The following CLDN14 variants were observed in gnomAD, a reference collection of about 807,000 sequenced individuals.
CLDN14 encodes the protein claudin 14.
Under a neutral mutation model 2.1 loss-of-function variants are expected in CLDN14, and 2 were observed. The ratio of observed to expected loss-of-function variants is 0.96; its 90% CI spans 0.39 to 3.01. The LOEUF (loss-of-function observed/expected upper bound fraction) is 3.01. Among genes scored for constraint, CLDN14 ranks in the 30% most tolerant of loss-of-function variants. CLDN14 has a pLI of 0.09. For synonymous variants in CLDN14, 136 were observed against 154.4 expected, an observed-to-expected ratio of 0.88 and a Z score of 0.88; for missense variants, 298 against 328.0, an observed-to-expected ratio of 0.91 and a Z score of 0.71.
At position 36,562,887 on chromosome 21, in the gene CLDN14, C is replaced by T. The variant is rs536950641; in HGVS notation, c.-220+13524G>A. 2.9e-4 allele frequency among the ~76,000 whole-genome samples: 44 copies of T among 152,244 alleles called. 1 individual carries two copies. The South Asian group carries it at 8.9e-3, about 31-fold the overall frequency. ...GGTAATTTGGGGTAAGTTATTCATT[C>T]TGTTCTTCATCTGGCTCCTCTGCAA... On this transcript the variant is annotated intron_variant, in intron 1 of 2. Transcript: ENST00000342108.
intron 1 of CLDN14, among the ~76,000 whole-genome samples, chr21:36,475,773 A>T (rs2086771119): frequency 6.6e-6 from 1 of 151,814 alleles, no homozygotes; most frequent in Non-Finnish European, 1.5e-5. Context: ...TTTTTGAGAC[A>T]GAGTCTTGCT....
At chr21:36,569,710 G>C (rs1363430057) in intron 1 of CLDN14, among the ~76,000 whole-genome samples, 1 of 152,188 alleles carries the variant, frequency 6.6e-6, no homozygotes, top group Non-Finnish European at 1.5e-5. Flanking sequence ...TGGTCATGAG[G>C]GTGGGAAGAT....
chr21:36,470,182 T>A (rs1343052987), intron 1 of CLDN14, among the ~76,000 whole-genome samples: 1 of 152,176 alleles, frequency 6.6e-6, no homozygotes, highest in Non-Finnish European at 1.5e-5. Context: ...TGGATTGACC[T>A]GGTCCCCCAA....
At chr21:36,509,734 T>C (rs2087168148) in intron 2 of CLDN14, among the ~76,000 whole-genome samples, 1 of 152,158 alleles carries the variant, frequency 6.6e-6, no homozygotes, top group African/African-American at 2.4e-5. Flanking sequence ...TAGCTGGGAC[T>C]ACAGGCACAC....
At chr21:36,535,216 G>C (rs140018343) in intron 1 of CLDN14, among the ~76,000 whole-genome samples, 2,471 of 152,026 alleles carry the variant, frequency 0.016, 77 homozygotes, top group African/African-American at 0.056. Context: ...ATGGCGAAAC[G>C]CTGTCTCTAC....
intron 1 of CLDN14, among the ~76,000 whole-genome samples, chr21:36,573,054 C>A (rs1288271150): frequency 6.6e-6 from 1 of 152,182 alleles, no homozygotes; most frequent in Non-Finnish European, 1.5e-5. Context: ...GTAATCCCAG[C>A]ACTTTGGAAG....
intron 1 of CLDN14, among the ~76,000 whole-genome samples, chr21:36,534,449 G>A (rs570419693): frequency 2.6e-5 from 4 of 152,256 alleles, no homozygotes; most frequent in South Asian, 4.1e-4. Context: ...ACAAGTACAG[G>A]ATGATAAAAA....
At chr21:36,500,938 A>G (rs1425178330) in intron 2 of CLDN14, among the ~76,000 whole-genome samples, 1 of 152,238 alleles carries the variant, frequency 6.6e-6, no homozygotes, top group South Asian at 2.1e-4. Context: ...ACAGAACTCT[A>G]CGCAGGGGGT....
At chr21:36,526,987 A>T (rs1025718218) in intron 1 of CLDN14, among the ~76,000 whole-genome samples, 9 of 152,182 alleles carry the variant, frequency 5.9e-5, no homozygotes, top group African/African-American at 2.2e-4. Context: ...TTTTGGCCAC[A>T]CTCAGTAGTA....
chr21:36,470,004 TA>T (rs886591065), intron 1 of CLDN14, among the ~76,000 whole-genome samples: 51 of 151,358 alleles, frequency 3.4e-4, no homozygotes, highest in African/African-American at 1.1e-3. Flanking sequence ...CATCTGAGAT[TA>T]AAAAAAATAC....
intron 1 of CLDN14, among the ~76,000 whole-genome samples, chr21:36,536,051 T>A (rs1264430180): frequency 6.6e-6 from 1 of 152,232 alleles, no homozygotes; most frequent in African/African-American, 2.4e-5. Flanking sequence ...TGTTCAGCAC[T>A]TAAGCAGACT....
intron 1 of CLDN14, among the ~76,000 whole-genome samples, chr21:36,558,554 C>T (rs1025074913): frequency 6.6e-6 from 1 of 152,062 alleles, no homozygotes; most frequent in Non-Finnish European, 1.5e-5. Flanking sequence ...TTTATAAAGA[C>T]AGGAAAGGAA....
intron 2 of CLDN14, among the ~76,000 whole-genome samples, chr21:36,494,182 C>T (rs2071049): frequency 0.54 from 82,710 of 152,070 alleles, 26,544 homozygotes; most frequent in Non-Finnish European, 0.72. Flanking sequence ...TCTCTCCCAG[C>T]GGGGGACTGT....
chr21:36,547,564 C>T (rs962340908), intron 1 of CLDN14, among the ~76,000 whole-genome samples: 4 of 152,296 alleles, frequency 2.6e-5, no homozygotes, highest in African/African-American at 7.2e-5. Flanking sequence ...CGTGGAGAGG[C>T]GGCCGCTGCT....
chr21:36,474,643 C>A (rs879536738), intron 1 of CLDN14, among the ~76,000 whole-genome samples: 7 of 152,194 alleles, frequency 4.6e-5, no homozygotes, highest in Non-Finnish European at 8.8e-5. Context: ...TAACAAAAAA[C>A]TAAACCAAAA....
Position 36,551,136 on chromosome 21 carries a change from C to G in CLDN14, c.-220+25275G>C, listed in dbSNP as rs1040246448. ...TCCCCTTGGAGCCTCCAGAAGGAAC[C>G]AGCCCTTCCTACCCCGCAATTTCGG... On this transcript the variant is annotated intron_variant, in intron 1 of 2. Transcript: ENST00000342108. The surrounding 1 kb of genome is among the most constrained non-coding windows in gnomAD (Gnocchi z 4.8). 6.6e-6 allele frequency among the ~76,000 whole-genome samples: 1 copy of G among 152,218 alleles called. No individual in the cohort carries two copies. Among genetic ancestry groups the G allele is most frequent in the African/African-American group, 2.4e-5 (1 of 41,464 alleles).
chr21:36,568,366 C>T (rs988924225), intron 1 of CLDN14, among the ~76,000 whole-genome samples: 1 of 152,154 alleles, frequency 6.6e-6, no homozygotes, highest in Non-Finnish European at 1.5e-5. Flanking sequence ...TCAGCATTGC[C>T]CCAGCCAACC....
chr21:36,498,056 G>A lies in CLDN14; in HGVS notation c.-82+12307C>T, dbSNP rs1020637508. On this transcript the variant is annotated intron_variant, in intron 2 of 2. Coordinates refer to the CLDN14 transcript ENST00000342108. This position sits in a 1 kb window ranked among gnomAD's most constrained non-coding sequence, Gnocchi z 4.9. ...GCTCTGTTGCCCAGGCTGGAGTGCA[G>A]TGGTGCAATCTTGGCTCACTGCAAC... 4.0e-5 allele frequency among the ~76,000 whole-genome samples: 6 copies of A among 151,814 alleles called. No homozygotes were observed. Among genetic ancestry groups the A allele is most frequent in the Admixed American group, 1.3e-4 (2 of 15,234 alleles).
chr21:36,496,718 G>A (rs1173733831), intron 2 of CLDN14, among the ~76,000 whole-genome samples: 1 of 51,200 alleles, frequency 2.0e-5, no homozygotes, highest in Admixed American at 2.3e-4. Context: ...AGGAGGGGAG[G>A]AAGGGAGGGA....
Sources: allele counts gnomAD v4.1 joint callset (sites outside exome capture counted in the v4.1 genomes callset), GRCh38; gene constraint gnomAD v4.1.1; non-coding constraint Gnocchi (gnomAD v3.1); transcripts MANE v1.5; gene names NCBI Gene and HGNC (gene_info 2026-07-23, HGNC 2026-07-21).